TRIM13: variants seen among roughly 807,000 people sequenced by gnomAD.
TRIM13 encodes E3 ubiquitin-protein ligase TRIM13.
A neutral mutation model predicts 27.1 loss-of-function variants in TRIM13; 15 were observed. The ratio of observed to expected loss-of-function variants is 0.55; its 90% CI spans 0.37 to 0.85. The LOEUF is 0.85. Among genes scored for constraint, TRIM13 ranks in the 40% least tolerant of loss-of-function variants. TRIM13 has a pLI of 0.00. For missense variants in TRIM13, 402 were observed against 472.2 expected, an observed-to-expected ratio of 0.85 and a Z score of 1.38; for synonymous variants, 193 against 171.5, an observed-to-expected ratio of 1.13 and a Z score of -0.98.
intron 1 of TRIM13, among the ~76,000 whole-genome samples, chr13:50,007,027 C>A (rs1263240553): frequency 6.6e-6 from 1 of 151,540 alleles, no homozygotes; most frequent in African/African-American, 2.4e-5. Context: ...GCAAAAAATA[C>A]AAAAGTTAGC....
rs1363578114 is a variant in TRIM13 at position 50,012,907 on chromosome 13, C to A, written c.967C>A (p.Leu323Met). The change falls in exon 2 of 2, where the codon CTG becomes ATG. Residue 323 changes from leucine to methionine, a missense_variant. By Grantham distance (15) the Leu-to-Met change is conservative. Around this residue, in one of 2 missense-constraint regions of TRIM13, gnomAD observed 200 missense variants for 194.7 expected, o/e 1.03. Transcript: ENST00000378182. Reference sequence around the variant, plus strand: ...TTATAAGTTATTTTTGCTAATCCTTCTGCTTGGCCTTGTCATTGTCTTTGG... The same window carrying A: ...TTATAAGTTATTTTTGCTAATCCTTATGCTTGGCCTTGTCATTGTCTTTGG... ...SFYKLFLLIL[L>M]LGLVIVFGPT... The A allele has an allele frequency of 1.2e-6, 2 of 1,613,832 alleles. No individual in the cohort carries two copies. Among genetic ancestry groups the A allele is most frequent in the Non-Finnish European group, 1.7e-6 (2 of 1,180,010 alleles).
Position 50,014,360 on chromosome 13 carries a change from T to TATATACACACACACAC in TRIM13, c.*1197_*1198insTATACACACACACACA, listed in dbSNP as rs879170111. On this transcript the variant is annotated 3_prime_UTR_variant, in exon 2 of 2. Coordinates refer to ENST00000378182, the MANE Select transcript of TRIM13 (RefSeq NM_213590.3). ...AAAAAAAAAAATATATATATATATA[T>TATATACACACACACAC]ACACACACACACACACATATGTACA... 2.2e-4 allele frequency: 13 copies of TATATACACACACACAC among 58,564 alleles called. No homozygotes were observed. The highest frequency in any genetic ancestry group is 1.9e-3 in the East Asian group (2 of 1,080). 3.6% of individuals were successfully genotyped at this position (58,564 alleles called of 1,614,324 possible).
chr13:50,015,985 TC>T lies in TRIM13; in HGVS notation c.*2823del. On this transcript the variant is annotated 3_prime_UTR_variant, in exon 2 of 2. Coordinates refer to ENST00000378182, the MANE Select transcript of TRIM13 (RefSeq NM_213590.3). ...TTTTCCCTCCTCAGATGACCTTACT[TC>T]CACTGCCTCCACAAAGACCTTCTTA... 3 of 1,614,108 alleles carry T rather than the reference TC, an allele frequency of 1.9e-6. No individual in the cohort carries two copies. Among genetic ancestry groups the T allele is most frequent in the Non-Finnish European group, 1.7e-6 (2 of 1,179,962 alleles).
chr13:50,015,498 G>A lies in TRIM13; in HGVS notation c.*2334G>A. ...CTAGTTTGAAGTGAGGGAAGAATGA[G>A]TAGTCAGGAACTGGTCACTTTGAAT... On this transcript the variant is annotated 3_prime_UTR_variant, in exon 2 of 2. Transcript: ENST00000378182. 1.2e-6 allele frequency: 2 copies of A among 1,603,832 alleles called. No individual in the cohort carries two copies. Among genetic ancestry groups the A allele is most frequent in the Non-Finnish European group, 1.7e-6 (2 of 1,174,154 alleles).
At chr13:49,999,164 G>A (rs1353227560) in intron 1 of TRIM13, among the ~76,000 whole-genome samples, 2 of 151,566 alleles carry the variant, frequency 1.3e-5, no homozygotes, top group Non-Finnish European at 2.9e-5. Context: ...GCGATCACTA[G>A]GTAAAACCAC....
chr13:50,007,389 G>T (rs1874877920), intron 1 of TRIM13, among the ~76,000 whole-genome samples: 1 of 150,736 alleles, frequency 6.6e-6, no homozygotes, highest in Admixed American at 6.6e-5. Context: ...TACTCGGGAG[G>T]CTGAGGCAGG....
rs191179030 is a variant in TRIM13 at position 50,005,184 on chromosome 13, T to A, written c.-6-6751T>A. 5.7e-4 allele frequency among the ~76,000 whole-genome samples: 87 copies of A among 152,276 alleles called. 1 individual carries two copies. The highest frequency in any genetic ancestry group is 2.1e-3 in the African/African-American group (86 of 41,520). On this transcript the variant is annotated intron_variant, in intron 1 of 1. Coordinates refer to ENST00000378182, the MANE Select transcript of TRIM13 (RefSeq NM_213590.3). ...GGGTTGATTACTTCAGATTTTGTGT[T>A]AGCCATACTTTAAGATTTTGTAAGT...
chr13:50,009,914 G>A (rs1429923113), intron 1 of TRIM13, among the ~76,000 whole-genome samples: 1 of 151,618 alleles, frequency 6.6e-6, no homozygotes, highest in African/African-American at 2.4e-5. Flanking sequence ...GGGTGACAGA[G>A]TGAGACACCC....
intron 1 of TRIM13, among the ~76,000 whole-genome samples, chr13:50,010,062 T>TTTC (rs1875408590): frequency 1.4e-5 from 2 of 146,590 alleles, no homozygotes; most frequent in South Asian, 2.2e-4. Flanking sequence ...TTTTTTTTTT[T>TTTC]TCCTGAGGCA....
chr13:49,999,778 T>G (rs1245518665), intron 1 of TRIM13, among the ~76,000 whole-genome samples: 1 of 152,216 alleles, frequency 6.6e-6, no homozygotes, highest in Non-Finnish European at 1.5e-5. Context: ...CTGTTAAACC[T>G]AGTTTGTAAA....
Position 50,015,981 on chromosome 13 carries a change from T to C in TRIM13, c.*2817T>C, listed in dbSNP as rs749553507. On this transcript the variant is annotated 3_prime_UTR_variant, in exon 2 of 2. Coordinates refer to ENST00000378182, the MANE Select transcript of TRIM13 (RefSeq NM_213590.3). ...AACTTTTTCCCTCCTCAGATGACCT[T>C]ACTTCCACTGCCTCCACAAAGACCT... 1.5e-5 allele frequency: 25 copies of C among 1,613,918 alleles called. No individual in the cohort carries two copies. The highest frequency in any genetic ancestry group is 1.9e-5 in the Non-Finnish European group (23 of 1,179,958).
intron 1 of TRIM13, among the ~76,000 whole-genome samples, chr13:49,999,655 A>G (rs1873780497): frequency 6.6e-6 from 1 of 152,178 alleles, no homozygotes; most frequent in Non-Finnish European, 1.5e-5. Context: ...TGGGACTACA[A>G]GTGTGTGGCA....
rs200829315 is a variant in TRIM13, at chr13:50,013,171, T to C, written c.*7T>C. 32 of 1,536,766 alleles carry C rather than the reference T, an allele frequency of 2.1e-5. No individual in the cohort carries two copies. Among genetic ancestry groups the C allele is most frequent in the Non-Finnish European group, 2.7e-5 (31 of 1,145,230 alleles). ...CAAATATAAACTATTATAAAATCTG[T>C]TTCAAGTATGCAGTTTTCTTTTGTT... On this transcript the variant is annotated 3_prime_UTR_variant, in exon 2 of 2. Transcript: ENST00000378182.
intron 1 of TRIM13, among the ~76,000 whole-genome samples, chr13:50,009,791 T>C (rs1875348442): frequency 6.7e-6 from 1 of 148,240 alleles, no homozygotes. Context: ...AACTAAAAAT[T>C]AGCAAGGCAT....
At chr13:50,009,116 TACTC>T (rs36051185) in intron 1 of TRIM13, among the ~76,000 whole-genome samples, 55,804 of 149,738 alleles carry the variant, frequency 0.37, 11,753 homozygotes, top group Non-Finnish European at 0.49. Flanking sequence ...TTTTAAAAAA[TACTC>T]ACGTAAAATA....
chr13:50,005,245 T>C (rs1874538593), intron 1 of TRIM13, among the ~76,000 whole-genome samples: 1 of 152,116 alleles, frequency 6.6e-6, no homozygotes, highest in Admixed American at 6.5e-5. Flanking sequence ...ATTTATGATA[T>C]TAAAGGCTTT....
In TRIM13 at chr13:50,012,523, C is replaced by G. The variant is rs374494187; in HGVS notation, c.583C>G (p.Gln195Glu). The G allele has an allele frequency of 3.1e-6, 5 of 1,613,862 alleles. No individual in the cohort carries two copies. In the African/African-American group the frequency reaches 5.3e-5, roughly 17 times the overall value. Residue 195 changes from glutamine to glutamate, a missense_variant, in exon 2 of 2, where the codon CAA becomes GAA. Coordinates refer to ENST00000378182, the MANE Select transcript of TRIM13 (RefSeq NM_213590.3). The part of the protein sequence containing the change: ...FFEKLQHTLD[Q>E]KKNEILSDFE... ...TGAGAAGTTACAACACACACTGGAT[C>G]AAAAGAAGAATGAAATTCTGTCTGA... is the stretch of plus-strand genomic sequence containing the variant.
Position 50,015,782 on chromosome 13 carries a change from C to A in TRIM13, c.*2618C>A. 6.2e-7 allele frequency: 1 copy of A among 1,614,092 alleles called. No homozygotes were observed. Among genetic ancestry groups the A allele is most frequent in the Non-Finnish European group, 8.5e-7 (1 of 1,179,980 alleles). On this transcript the variant is annotated 3_prime_UTR_variant, in exon 2 of 2. Transcript: ENST00000378182. ...CTATGAACTTCGTTCTCTAGTTGAT[C>A]TCTTAAACCCATACCTGCTACAGCC...
chr13:50,005,387 G>A (rs1319482926), intron 1 of TRIM13, among the ~76,000 whole-genome samples: 1 of 151,882 alleles, frequency 6.6e-6, no homozygotes, highest in Non-Finnish European at 1.5e-5. Flanking sequence ...TAAAGAGAAG[G>A]CATAGGCAGG....
Sources: allele counts gnomAD v4.1 joint callset (sites outside exome capture counted in the v4.1 genomes callset), GRCh38; gene constraint gnomAD v4.1.1; regional missense constraint gnomAD v4.1.1; transcripts MANE v1.5; gene names NCBI Gene and HGNC (gene_info 2026-07-23, HGNC 2026-07-21).